ASB8: variants seen among roughly 807,000 people sequenced by gnomAD.
ASB8 encodes ankyrin repeat and SOCS box containing 8.
In ASB8, 15 loss-of-function variants were observed where a neutral mutation model predicts 22.9. The observed-to-expected ratio is 0.66, with a 90% confidence interval of 0.44 to 1.01. The LOEUF (loss-of-function observed/expected upper bound fraction) is 1.01, where lower values mean the gene tolerates loss of function less well. Ranked by LOEUF, ASB8 falls within the 50% of genes least tolerant of loss-of-function variation. ASB8 has a pLI of 0.00. For synonymous variants in ASB8, 124 were observed against 140.8 expected (o/e 0.88, Z 0.84); for missense variants, 294 against 356.9 (o/e 0.82, Z 1.42).
At chr12:48,151,505 T>G (rs1262244321) in intron 2 of ASB8, 200 bp from the exon 3 acceptor site, 10 of 1,263,064 alleles carry the variant, frequency 7.9e-6, no homozygotes, top group African/African-American at 1.5e-5. Flanking sequence ...GGAAAGGAAC[T>G]GTTAATTCCT....
At chr12:48,154,559 G>A (rs7485355) in intron 1 of ASB8, among the ~76,000 whole-genome samples, 24,939 of 150,968 alleles carry the variant, frequency 0.17, 2,406 homozygotes, top group East Asian at 0.24. Flanking sequence ...TAACTACCCT[G>A]GAGTCATTTA....
At chr12:48,156,249 TATC>T (rs1951302487) in intron 1 of ASB8, among the ~76,000 whole-genome samples, 1 of 152,352 alleles carries the variant, frequency 6.6e-6, no homozygotes, top group South Asian at 2.1e-4. Flanking sequence ...TTTCTCCCGT[TATC>T]ATGCACGGAT....
chr12:48,156,098 T>G (rs1951300048), intron 1 of ASB8, among the ~76,000 whole-genome samples: 2 of 152,090 alleles, frequency 1.3e-5, no homozygotes, highest in African/African-American at 4.8e-5. Context: ...TTTGTGATTG[T>G]GTATCCCTTT....
intron 2 of ASB8, 200 bp downstream of exon 2, chr12:48,153,168 T>C (rs1951229204): frequency 1.7e-6 from 1 of 573,530 alleles, no homozygotes; most frequent in South Asian, 2.0e-5. Context: ...AAGAAAAATA[T>C]CAGATACACA....
intron 3 of ASB8, chr12:48,150,972 C>A: frequency 3.3e-6 from 2 of 601,244 alleles, no homozygotes; most frequent in Non-Finnish European, 5.9e-6. Flanking sequence ...CAGCACCATA[C>A]AATGGGGGCA....
At position 48,149,282 on chromosome 12, in the gene ASB8, T is replaced by C. The variant is rs1951154114; in HGVS notation, c.*84A>G. On this transcript the variant is annotated 3_prime_UTR_variant, in exon 4 of 4. Coordinates refer to ENST00000317697, the MANE Select transcript of ASB8 (RefSeq NM_024095.5). ...ATAAACCACACAACAGGAACAACTG[T>C]TTTTCTGTTTTCTGTGACAAGGAGT... 1 of 1,404,344 alleles carries C rather than the reference T, an allele frequency of 7.1e-7. No individual in the cohort carries two copies. Among genetic ancestry groups the C allele is most frequent in the Admixed American group, 2.2e-5 (1 of 46,320 alleles). The allele number at this position is 1,404,344 out of a possible 1,614,324, so 87.0% of individuals were successfully genotyped here.
chr12:48,150,300 G>C lies in ASB8; in HGVS notation c.235-302C>G, dbSNP rs1255262432. 3 of 656,410 alleles carry C rather than the reference G, an allele frequency of 4.6e-6. No individual in the cohort carries two copies. The South Asian group carries it at 5.2e-5, about 11-fold the overall frequency. The allele number at this position is 656,410 out of a possible 1,614,324, so 40.7% of individuals were successfully genotyped here. A position where few individuals can be genotyped will look rare whatever the true frequency, so the allele number is the denominator to read the frequency against. Reference sequence around the variant, plus strand: ...TCTATTCATTAGAATCTCTACCACAGAGTAAGGGGTAAGGCAGGAATAGAG... The same window carrying C: ...TCTATTCATTAGAATCTCTACCACACAGTAAGGGGTAAGGCAGGAATAGAG... On this transcript the variant is annotated intron_variant, in intron 3 of 3. Transcript: ENST00000317697.
At chr12:48,153,907 C>T (rs556174020) in intron 1 of ASB8, 22 of 165,510 alleles carry the variant, frequency 1.3e-4, no homozygotes, top group Admixed American at 1.3e-3. Context: ...TTATTTATAA[C>T]ACTGGGCCTT....
chr12:48,149,669 G>C lies in ASB8; in HGVS notation c.564C>G (p.Ile188Met). The C allele has an allele frequency of 6.2e-7, 1 of 1,614,160 alleles. No individual in the cohort carries two copies. The change falls in exon 4 of 4, where the codon ATC (isoleucine) becomes ATG (methionine). Residue 188 changes from isoleucine to methionine, a missense_variant. Ile to Met is a conservative substitution (Grantham distance 10, BLOSUM62 1). Transcript: ENST00000317697. ...RVINLIGQTPISRLVALLVRG... is the reference protein window; with the variant it reads ...RVINLIGQTPMSRLVALLVRG... ...TGACTAGCAGAGCCACCAGGCGGGA[G>C]ATGGGTGTCTGGCCTATTAGGTTGA...
In ASB8 at chr12:48,149,981, C is replaced by T; in HGVS notation, c.252G>A (p.Gly84=). Residue 84 remains glycine, a synonymous_variant, in exon 4 of 4, where the codon GGG becomes GGA. Coordinates refer to ENST00000317697, the MANE Select transcript of ASB8 (RefSeq NM_024095.5). The stretch of plus-strand genomic sequence containing the variant: ...CATAGTGGAGGGCTGTTCGGTTATA[C>T]CCATCCAGGGCATTCACCTGTAAAA... ...EKGAEVNALD[G]YNRTALHYAA... 6.2e-7 allele frequency: 1 copy of T among 1,613,486 alleles called. No individual in the cohort carries two copies. The highest frequency in any genetic ancestry group is 2.2e-5 in the East Asian group (1 of 44,886).
rs1446890016 is a variant in ASB8, at chr12:48,149,791, C to A, written c.442G>T (p.Asp148Tyr). ...LESGASVNAL[D>Y]YNNDTPLSWA... is the part of the protein sequence containing the mutation. ...CTGAGCGGTGTATCATTGTTGTAAT[C>A]CAGGGCATTGACAGAGGCCCCGCTC... Residue 148 changes from aspartate to tyrosine, a missense_variant, in exon 4 of 4, where the codon GAT becomes TAT. Asp to Tyr is a radical substitution (Grantham distance 160). Coordinates refer to ENST00000317697, the MANE Select transcript of ASB8 (RefSeq NM_024095.5). 72 of 1,613,950 alleles carry A rather than the reference C, an allele frequency of 4.5e-5. No homozygotes were observed. The highest frequency in any genetic ancestry group is 6.0e-5 in the Non-Finnish European group (71 of 1,179,958).
At position 48,151,323 on chromosome 12, in the gene ASB8, C is replaced by A; in HGVS notation, c.130-18G>T. ...TCTGCTCCCTGTGGGCAGAAGACAA[C>A]TTCAGTCAGTGTGTTCAGCTCTGGC... On this transcript the variant is annotated intron_variant, in intron 2 of 3. Transcript: ENST00000317697. The A allele has an allele frequency of 6.3e-6, 10 of 1,586,284 alleles. No individual in the cohort carries two copies. Among genetic ancestry groups the A allele is most frequent in the Non-Finnish European group, 4.3e-6 (5 of 1,156,218 alleles).
At position 48,153,506 on chromosome 12, in the gene ASB8, A is replaced by C. The variant is rs778875437; in HGVS notation, c.-10T>G. On this transcript the variant is annotated 5_prime_UTR_variant, in exon 2 of 4. Transcript: ENST00000317697. ...ACATACTGGAACTCATCAAGGCTCA[A>C]GGTGTTCACATGCTCCAAACTGCCT... is the stretch of plus-strand genomic sequence containing the variant. 3.7e-6 allele frequency: 6 copies of C among 1,613,322 alleles called. No homozygotes were observed. The highest frequency in any genetic ancestry group is 1.6e-4 in the Middle Eastern group (1 of 6,078).
chr12:48,154,022 T>C (rs1413642685), intron 1 of ASB8: 2 of 154,592 alleles, frequency 1.3e-5, no homozygotes, highest in African/African-American at 4.8e-5. Flanking sequence ...AGCCACAGAA[T>C]CTCACAAAAG....
At position 48,152,082 on chromosome 12, in the gene ASB8, G is replaced by A. The variant is rs533090628; in HGVS notation, c.130-777C>T. On this transcript the variant is annotated intron_variant, in intron 2 of 3. Coordinates refer to ENST00000317697, the MANE Select transcript of ASB8 (RefSeq NM_024095.5). ...CAGGAGAATCGCTTGAACCTGGGAGGCGGAGGTTGCAGTGAGCCAAGATCG... is the reference window on the plus strand; with the variant it reads ...CAGGAGAATCGCTTGAACCTGGGAGACGGAGGTTGCAGTGAGCCAAGATCG... Among the ~76,000 whole-genome samples the A allele has an allele frequency of 1.5e-3, 233 of 151,950 alleles. 3 individuals are homozygous for A. The highest frequency in any genetic ancestry group is 5.3e-3 in the African/African-American group (221 of 41,412).
At position 48,149,919 on chromosome 12, in the gene ASB8, A is replaced by G. The variant is rs946729578; in HGVS notation, c.314T>C (p.Leu105Ser). 15 of 1,614,022 alleles carry G rather than the reference A, an allele frequency of 9.3e-6. No individual in the cohort carries two copies. The highest frequency in any genetic ancestry group is 1.2e-5 in the Non-Finnish European group (14 of 1,179,996). The change falls in exon 4 of 4, where the codon TTG (leucine) becomes TCG (serine). Residue 105 changes from leucine to serine, a missense_variant. Physicochemically the swap from Leu to Ser is moderately radical, Grantham distance 145. Transcript: ENST00000317697. ...EKDEACVEVLLEYGANPNALD... is the reference protein window; with the variant it reads ...EKDEACVEVLSEYGANPNALD... Reference sequence around the variant, plus strand: ...AGCATTGGGGTTTGCACCATACTCCAATAGGACCTCCACACAAGCCTCATC... The same window carrying G: ...AGCATTGGGGTTTGCACCATACTCCGATAGGACCTCCACACAAGCCTCATC...
At chr12:48,153,581 T>A in intron 1 of ASB8, 52 bp from the exon 2 acceptor site, 1 of 1,456,578 alleles carries the variant, frequency 6.9e-7, no homozygotes, top group Non-Finnish European at 9.5e-7. Flanking sequence ...ACACCTGTCT[T>A]TAGGGTTAGG....
rs781421305 is a variant in ASB8 at position 48,151,204 on chromosome 12, G to T, written c.231C>A (p.Ala77=). The T allele has an allele frequency of 1.2e-6, 2 of 1,606,642 alleles. No homozygotes were observed. Residue 77 remains alanine, a synonymous_variant, in exon 3 of 4, where the codon GCC becomes GCA. Transcript: ENST00000317697. ...DCVELLLEKG[A]EVNALDGYNR... ...GTGAATGTGTTAAAAACATTACCTCGGCTCCTTTTTCCAGAAGTAACTCCA... is the reference window on the plus strand; with the variant it reads ...GTGAATGTGTTAAAAACATTACCTCTGCTCCTTTTTCCAGAAGTAACTCCA...
intron 3 of ASB8, 170 bp downstream of exon 3, chr12:48,151,031 T>C (rs1181056428): frequency 1.6e-5 from 10 of 627,920 alleles, no homozygotes; most frequent in Non-Finnish European, 2.8e-5. Context: ...TAGATCATTT[T>C]ATATATTTAC....
Sources: allele counts gnomAD v4.1 joint callset (sites outside exome capture counted in the v4.1 genomes callset), GRCh38; gene constraint gnomAD v4.1.1; transcripts MANE v1.5; gene names NCBI Gene and HGNC (gene_info 2026-07-23, HGNC 2026-07-21).